ITPKB: variants seen among roughly 807,000 people sequenced by gnomAD.
ITPKB encodes inositol-trisphosphate 3-kinase B.
ITPKB carries 13 observed loss-of-function variants against 69.4 expected under a neutral mutation model. The ratio of observed to expected loss-of-function variants is 0.19; its 90% CI spans 0.12 to 0.30. The LOEUF is 0.30. Ranked by LOEUF, ITPKB falls within the 10% of genes least tolerant of loss-of-function variation. ITPKB has a pLI of 1.00. For missense variants in ITPKB, 1,240 were observed against 1,250.5 expected (o/e 0.99, Z 0.13); for synonymous variants, 584 against 513.7 (o/e 1.14, Z -1.85).
In ITPKB at chr1:226,634,349, G is replaced by A. The variant is rs1037629842; in HGVS notation, c.*322C>T. On this transcript the variant is annotated 3_prime_UTR_variant, in exon 8 of 8. Coordinates refer to ENST00000429204, the MANE Select transcript of ITPKB (RefSeq NM_002221.4). This position sits in a 1 kb window ranked among gnomAD's most constrained non-coding sequence, Gnocchi z 6.3. ...TAGGTCCAGGCTGGTGCTTCCTAGGGGGCTCCCAGAGGCAGGGCTCATCTG... is the reference window on the plus strand; with the variant it reads ...TAGGTCCAGGCTGGTGCTTCCTAGGAGGCTCCCAGAGGCAGGGCTCATCTG... 1.2e-5 allele frequency: 4 copies of A among 322,162 alleles called. No homozygotes were observed. The highest frequency in any genetic ancestry group is 2.1e-5 in the African/African-American group (1 of 47,314). The allele number at this position is 322,162 out of a possible 1,614,324, so 20.0% of individuals were successfully genotyped here. A position where few individuals can be genotyped will look rare whatever the true frequency, so the allele number is the denominator to read the frequency against.
intron 2 of ITPKB, among the ~76,000 whole-genome samples, chr1:226,679,435 T>C (rs1357710732): frequency 5.3e-5 from 8 of 152,324 alleles, no homozygotes; most frequent in Non-Finnish European, 1.2e-4. Context: ...CCCAAGAAAG[T>C]TGTGTCACTT....
chr1:226,721,227 A>T (rs1657231977), intron 2 of ITPKB, among the ~76,000 whole-genome samples: 1 of 150,200 alleles, frequency 6.7e-6, no homozygotes, highest in African/African-American at 2.5e-5. Flanking sequence ...ACATGCCTGT[A>T]ATCCCAGCTA....
chr1:226,685,744 T>C (rs1656194264), intron 2 of ITPKB, among the ~76,000 whole-genome samples: 1 of 152,260 alleles, frequency 6.6e-6, no homozygotes, highest in African/African-American at 2.4e-5. Context: ...AGGTGTTTAG[T>C]TCATTGTTTA....
At chr1:226,717,308 T>C (rs1430495078) in intron 2 of ITPKB, among the ~76,000 whole-genome samples, 1 of 152,132 alleles carries the variant, frequency 6.6e-6, no homozygotes, top group Non-Finnish European at 1.5e-5. Flanking sequence ...AAAGAGAAAA[T>C]TCCTTCCATC....
At chr1:226,676,320 C>T (rs900397379) in intron 2 of ITPKB, 1 of 152,140 alleles carries the variant, frequency 6.6e-6, no homozygotes, top group African/African-American at 2.4e-5. Flanking sequence ...ACCAGCAGGT[C>T]CACACACACT....
Position 226,634,324 on chromosome 1 carries a change from T to C in ITPKB, c.*347A>G. 4.5e-6 allele frequency: 1 copy of C among 222,526 alleles called. No homozygotes were observed. The highest frequency in any genetic ancestry group is 9.2e-5 in the South Asian group (1 of 10,832). The allele number at this position is 222,526 out of a possible 1,614,324, so 13.8% of individuals were successfully genotyped here. On this transcript the variant is annotated 3_prime_UTR_variant, in exon 8 of 8. Transcript: ENST00000429204. The surrounding 1 kb of genome is among the most constrained non-coding windows in gnomAD (Gnocchi z 6.3). Reference sequence around the variant, plus strand: ...GGGGGCAGCAGGCCTCCGCAGGTGGTAGGTCCAGGCTGGTGCTTCCTAGGG... The same window carrying C: ...GGGGGCAGCAGGCCTCCGCAGGTGGCAGGTCCAGGCTGGTGCTTCCTAGGG...
chr1:226,637,637 C>T lies in ITPKB; in HGVS notation c.2625+42G>A, dbSNP rs371469819. 28 of 1,479,548 alleles carry T rather than the reference C, an allele frequency of 1.9e-5. No homozygotes were observed. Among genetic ancestry groups the T allele is most frequent in the Middle Eastern group, 3.4e-4 (2 of 5,858 alleles). 91.7% of individuals were successfully genotyped at this position (1,479,548 alleles called of 1,614,324 possible). On this transcript the variant is annotated intron_variant, in intron 7 of 7. Coordinates refer to ENST00000429204, the MANE Select transcript of ITPKB (RefSeq NM_002221.4). This position sits in a 1 kb window ranked among gnomAD's most constrained non-coding sequence, Gnocchi z 4.3. ...AGGAGAAGGAGAAGGCCTGTTGGCACGCGCAGCATTCTGCTCAAGAGGGCA... is the reference window on the plus strand; with the variant it reads ...AGGAGAAGGAGAAGGCCTGTTGGCATGCGCAGCATTCTGCTCAAGAGGGCA...
At chr1:226,721,961 G>C (rs1208547978) in intron 2 of ITPKB, among the ~76,000 whole-genome samples, 1 of 151,284 alleles carries the variant, frequency 6.6e-6, no homozygotes, top group Non-Finnish European at 1.5e-5. Flanking sequence ...TTACAGGCGC[G>C]CACCACCACA....
At chr1:226,649,509 A>ATGTGCATGTGTGTGATG (rs1172607150) in intron 2 of ITPKB, among the ~76,000 whole-genome samples, 2 of 144,354 alleles carry the variant, frequency 1.4e-5, no homozygotes, top group African/African-American at 5.2e-5. Context: ...CATGCGTGAT[A>ATGTGCATGTGTGTGATG]TGTGCATGTG....
rs759756162 is a variant in ITPKB at position 226,647,211 on chromosome 1, G to C, written c.2202C>G (p.Ala734=). The C allele has an allele frequency of 6.2e-7, 1 of 1,614,206 alleles. No individual in the cohort carries two copies. The highest frequency in any genetic ancestry group is 8.5e-7 in the Non-Finnish European group (1 of 1,180,040). ...CCATCACACAGGGCGAGTCGAAGTC[G>C]GCCAGCAGGTCGTCCATCTGGTTGT... ...ERYNQMDDLL[A]DFDSPCVMDC... The change falls in exon 4 of 8, where the codon GCC becomes GCG. Residue 734 remains alanine (A), a synonymous_variant. Transcript: ENST00000429204.
chr1:226,663,043 G>T (rs1299489387), intron 2 of ITPKB, among the ~76,000 whole-genome samples: 1 of 152,164 alleles, frequency 6.6e-6, no homozygotes, highest in Non-Finnish European at 1.5e-5. Flanking sequence ...CAGGAAACGG[G>T]TTGCCAAAAA....
At chr1:226,650,851 G>A (rs1468848821) in intron 2 of ITPKB, among the ~76,000 whole-genome samples, 1 of 152,216 alleles carries the variant, frequency 6.6e-6, no homozygotes, top group Non-Finnish European at 1.5e-5. Flanking sequence ...TGTCCGGTGA[G>A]GGACAGACAG....
intron 2 of ITPKB, among the ~76,000 whole-genome samples, chr1:226,718,728 G>A (rs1657156744): frequency 6.6e-6 from 1 of 152,232 alleles, no homozygotes; most frequent in Admixed American, 6.5e-5. Flanking sequence ...ACGCTGGCAA[G>A]GATGTGGAGA....
chr1:226,695,346 T>C (rs1015369004), intron 2 of ITPKB, among the ~76,000 whole-genome samples: 1 of 152,146 alleles, frequency 6.6e-6, no homozygotes, highest in Non-Finnish European at 1.5e-5. Context: ...CCAAAACCAA[T>C]AATAAAAGAC....
In ITPKB at chr1:226,735,623, G is replaced by A. The variant is rs147737688; in HGVS notation, c.1836C>T (p.Tyr612=). 1.5e-4 allele frequency: 242 copies of A among 1,610,638 alleles called. No individual in the cohort carries two copies. In the African/African-American group the frequency reaches 2.8e-3, roughly 19 times the overall value. The part of the protein sequence containing the change: ...SASSTGFSSS[Y]EDSEEDISSD... Reference sequence around the variant, plus strand: ...TGGAGATGTCCTCCTCTGAGTCTTCGTAGGATGAGGAGAAGCCCGTGGAGG... The same window carrying A: ...TGGAGATGTCCTCCTCTGAGTCTTCATAGGATGAGGAGAAGCCCGTGGAGG... Residue 612 remains tyrosine, a synonymous_variant, in exon 2 of 8, where the codon TAC becomes TAT. Coordinates refer to ENST00000429204, the MANE Select transcript of ITPKB (RefSeq NM_002221.4).
At chr1:226,644,018 G>A (rs1355624378) in intron 4 of ITPKB, among the ~76,000 whole-genome samples, 3 of 152,242 alleles carry the variant, frequency 2.0e-5, no homozygotes, top group Non-Finnish European at 4.4e-5. Flanking sequence ...CTGTGGGAGG[G>A]ACTCCTGAGG....
chr1:226,639,684 G>A, intron 5 of ITPKB, 26 bp from the exon 6 acceptor site: 5 of 1,507,760 alleles, frequency 3.3e-6, no homozygotes, highest in Non-Finnish European at 3.7e-6. Flanking sequence ...CCCCACCCAG[G>A]AGGGGGTCAG....
intron 2 of ITPKB, among the ~76,000 whole-genome samples, chr1:226,696,229 A>G (rs1342916574): frequency 2.0e-5 from 3 of 152,174 alleles, no homozygotes; most frequent in Non-Finnish European, 4.4e-5. Context: ...AATGGGGATA[A>G]TAATATCTAT....
intron 2 of ITPKB, among the ~76,000 whole-genome samples, chr1:226,682,020 G>A (rs1656102817): frequency 1.3e-5 from 2 of 152,200 alleles, no homozygotes; most frequent in South Asian, 4.1e-4. Flanking sequence ...GCCTCCTAAA[G>A]GATCCCCAGG....
Sources: allele counts gnomAD v4.1 joint callset (sites outside exome capture counted in the v4.1 genomes callset), GRCh38; gene constraint gnomAD v4.1.1; non-coding constraint Gnocchi (gnomAD v3.1); transcripts MANE v1.5; gene names NCBI Gene and HGNC (gene_info 2026-07-23, HGNC 2026-07-21).